SLC14A1: variants seen among roughly 807,000 people sequenced by gnomAD.
The protein encoded by SLC14A1 is urea transporter 1.
Under a neutral mutation model 39.6 loss-of-function variants are expected in SLC14A1, and 36 were observed. The observed-to-expected ratio is 0.91, with a 90% CI of 0.70 to 1.20. The LOEUF (loss-of-function observed/expected upper bound fraction) is 1.20, where lower values mean the gene tolerates loss of function less well. Among genes scored for constraint, SLC14A1 ranks in the 50% most tolerant of loss-of-function variants. The pLI is 0.00. For missense variants in SLC14A1, 469 were observed against 478.7 expected, an observed-to-expected ratio of 0.98 and a Z score of 0.19; for synonymous variants, 164 against 173.6, an observed-to-expected ratio of 0.94 and a Z score of 0.43.
intron 5 of SLC14A1, among the ~76,000 whole-genome samples, chr18:45,735,298 G>A (rs537103825): frequency 5.9e-5 from 9 of 152,272 alleles, no homozygotes; most frequent in South Asian, 2.1e-4. Context: ...TCTGCTCCCC[G>A]GCCCCAGGGT....
chr18:45,743,658 C>A (rs1297881626), intron 8 of SLC14A1, among the ~76,000 whole-genome samples: 2 of 152,216 alleles, frequency 1.3e-5, no homozygotes, highest in Non-Finnish European at 2.9e-5. Flanking sequence ...GTCTGAAACT[C>A]ATAGAACAAA....
chr18:45,729,946 C>T (rs17674580), intron 2 of SLC14A1: 45,533 of 175,308 alleles, frequency 0.26, 7,367 homozygotes, highest in Middle Eastern at 0.36. Flanking sequence ...GCTCTTTCTA[C>T]GTGATTTGAC....
At position 45,736,011 on chromosome 18, in the gene SLC14A1, C is replaced by T. The variant is rs1464901951; in HGVS notation, c.471-445C>T. Among the ~76,000 whole-genome samples the T allele has an allele frequency of 3.3e-5, 5 of 152,138 alleles. 1 individual carries two copies. The highest frequency in any genetic ancestry group is 4.8e-5 in the African/African-American group (2 of 41,412). ...AGCTCACACTACCTGCATCCTTGAA[C>T]GATTGTTTCTCTTTTCCAAAAATAG... On this transcript the variant is annotated intron_variant, in intron 5 of 9. Coordinates refer to ENST00000321925, the MANE Select transcript of SLC14A1 (RefSeq NM_015865.7).
At chr18:45,740,912 A>G (rs773044824) in intron 8 of SLC14A1, among the ~76,000 whole-genome samples, 82 of 152,162 alleles carry the variant, frequency 5.4e-4, no homozygotes, top group Admixed American at 1.6e-3. Flanking sequence ...GAACTGCTGT[A>G]TTAATCCTTT....
At chr18:45,726,991 G>A (rs1210500459) in intron 2 of SLC14A1, 2 of 369,670 alleles carry the variant, frequency 5.4e-6, no homozygotes, top group Middle Eastern at 8.5e-4. Flanking sequence ...TCCCTGTGTA[G>A]GATGGCTTCC....
chr18:45,742,076 T>C (rs975327331), intron 8 of SLC14A1, among the ~76,000 whole-genome samples: 4 of 152,060 alleles, frequency 2.6e-5, no homozygotes, highest in Non-Finnish European at 4.4e-5. Context: ...AAGAGGACCA[T>C]GCAATCTTTG....
At chr18:45,742,810 A>G (rs2144828566) in intron 8 of SLC14A1, among the ~76,000 whole-genome samples, 1 of 152,000 alleles carries the variant, frequency 6.6e-6, no homozygotes, top group East Asian at 1.9e-4. Flanking sequence ...CAGCCTCCCC[A>G]GTAGCTGGGA....
chr18:45,731,286 C>A, intron 4 of SLC14A1, 82 bp downstream of exon 4: 1 of 1,289,026 alleles, frequency 7.8e-7, no homozygotes, highest in Non-Finnish European at 1.1e-6. Context: ...AGTGATAAAA[C>A]CACATCCTTC....
chr18:45,743,353 C>T (rs904660361), intron 8 of SLC14A1, among the ~76,000 whole-genome samples: 2 of 152,046 alleles, frequency 1.3e-5, no homozygotes, highest in East Asian at 1.9e-4. Context: ...AAGATGTAGA[C>T]GTCTTTGGAG....
At chr18:45,734,512 T>G (rs1288226367) in intron 5 of SLC14A1, 110 bp downstream of exon 5, 1 of 1,118,530 alleles carries the variant, frequency 8.9e-7, no homozygotes, top group East Asian at 2.4e-5. Flanking sequence ...ATGAAATATG[T>G]TCTCTGAATG....
At chr18:45,739,782 G>T in intron 8 of SLC14A1, 120 bp downstream of exon 8, 3 of 1,329,280 alleles carry the variant, frequency 2.3e-6, no homozygotes, top group Non-Finnish European at 3.2e-6. Context: ...GAGCCCACTT[G>T]CTGTCTAAGT....
chr18:45,735,723 G>A (rs1002161747), intron 5 of SLC14A1, among the ~76,000 whole-genome samples: 10 of 152,196 alleles, frequency 6.6e-5, no homozygotes, highest in Non-Finnish European at 4.4e-5. Flanking sequence ...TGAAGAATAG[G>A]TTCGTGGGAA....
At position 45,739,405 on chromosome 18, in the gene SLC14A1, T is replaced by G; in HGVS notation, c.811+95T>G. The G allele has an allele frequency of 2.5e-6, 4 of 1,606,430 alleles. No homozygotes were observed. The Middle Eastern group carries it at 5.0e-4, about 200-fold the overall frequency. ...GTGCTCCAGATCTTCCTTGAGATCT[T>G]GGCTTCCTAGGGACCAATGGGAGTT... On this transcript the variant is annotated intron_variant, in intron 7 of 9. Coordinates refer to ENST00000321925, the MANE Select transcript of SLC14A1 (RefSeq NM_015865.7).
chr18:45,728,144 T>C (rs2046925156), intron 2 of SLC14A1, among the ~76,000 whole-genome samples: 1 of 152,238 alleles, frequency 6.6e-6, no homozygotes, highest in Non-Finnish European at 1.5e-5. Flanking sequence ...TGGAGAAAAC[T>C]AGTTTAATCT....
At position 45,749,968 on chromosome 18, in the gene SLC14A1, C is replaced by T; in HGVS notation, c.*17C>T. On this transcript the variant is annotated 3_prime_UTR_variant, in exon 10 of 10. Transcript: ENST00000321925. The stretch of plus-strand genomic sequence containing the variant: ...CCTTTGTGAGAACAAGCCCCATTTG[C>T]AGCCATGGTCACGAGTCATTTCTGC... 22 of 1,614,144 alleles carry T rather than the reference C, an allele frequency of 1.4e-5. No individual in the cohort carries two copies. Among genetic ancestry groups the T allele is most frequent in the Non-Finnish European group, 1.8e-5 (21 of 1,180,028 alleles).
At chr18:45,731,250 G>GTAACT in intron 4 of SLC14A1, 46 bp downstream of exon 4, 1 of 1,575,828 alleles carries the variant, frequency 6.3e-7, no homozygotes, top group Non-Finnish European at 8.7e-7. Flanking sequence ...CTGAGACACA[G>GTAACT]GGGCTGACCA....
At position 45,751,590 on chromosome 18, in the gene SLC14A1, C is replaced by T; in HGVS notation, c.*1639C>T. ...CCCAGGAGTTCAAGACCAGCTTGGG[C>T]AACATAGCAAGACTCCATCTCTTAA... On this transcript the variant is annotated 3_prime_UTR_variant, in exon 10 of 10. Transcript: ENST00000321925. 1.2e-6 allele frequency: 1 copy of T among 804,300 alleles called. No individual in the cohort carries two copies. The highest frequency in any genetic ancestry group is 1.5e-6 in the Non-Finnish European group (1 of 665,316). The allele number at this position is 804,300 out of a possible 1,614,324, so 49.8% of individuals were successfully genotyped here. A position where few individuals can be genotyped will look rare whatever the true frequency, so the allele number is the denominator to read the frequency against.
At chr18:45,724,600 G>A (rs1376697528) in intron 1 of SLC14A1, among the ~76,000 whole-genome samples, 2 of 152,206 alleles carry the variant, frequency 1.3e-5, no homozygotes, top group African/African-American at 4.8e-5. Flanking sequence ...ACTATTAGGA[G>A]TTTCAGGTTG....
At chr18:45,740,041 C>T (rs567075874) in intron 8 of SLC14A1, among the ~76,000 whole-genome samples, 8 of 152,360 alleles carry the variant, frequency 5.3e-5, no homozygotes, top group African/African-American at 1.7e-4. Context: ...GGCTCTCCAG[C>T]TTGCACTGAC....
Sources: gnomAD v4.1 joint callset for allele counts (sites outside exome capture counted in the v4.1 genomes callset) on GRCh38, gnomAD v4.1.1 for gene constraint, MANE v1.5 for transcripts, NCBI Gene and HGNC (gene_info 2026-07-23, HGNC 2026-07-21) for gene names.